Variants in FBXO16 observed in about 807,000 individuals in gnomAD.
FBXO16 encodes F-box only protein 16.
FBXO16 carries 31 observed loss-of-function variants against 41.0 expected under a neutral mutation model. The observed-to-expected ratio is 0.76, with a 90% CI of 0.57 to 1.02. The LOEUF (loss-of-function observed/expected upper bound fraction) is 1.02, where lower values mean the gene tolerates loss of function less well. FBXO16 is among the 50% of genes least tolerant of loss of function. The pLI, the probability that FBXO16 is intolerant of heterozygous loss-of-function variation, is 0.00. For missense variants in FBXO16, 361 were observed against 346.2 expected (o/e 1.04, Z -0.34); for synonymous variants, 133 against 117.8 (o/e 1.13, Z -0.84).
chr8:28,458,261 G>T (rs1803068290), intron 4 of FBXO16, among the ~76,000 whole-genome samples: 1 of 152,098 alleles, frequency 6.6e-6, no homozygotes, highest in Non-Finnish European at 1.5e-5. Context: ...TTTGTTTTAT[G>T]TGCAGAAGAT....
chr8:28,459,031 T>G (rs891807992), intron 4 of FBXO16, among the ~76,000 whole-genome samples: 2 of 152,204 alleles, frequency 1.3e-5, no homozygotes, highest in South Asian at 2.1e-4. Context: ...GAGAAGAAAT[T>G]ATGACTTATA....
intron 4 of FBXO16, among the ~76,000 whole-genome samples, chr8:28,462,114 A>C (rs9644051): frequency 0.32 from 48,464 of 150,738 alleles, 8,066 homozygotes; most frequent in East Asian, 0.52. Context: ...TAATTTTAAA[A>C]TGTTTTGTAA....
chr8:28,450,128 C>A (rs545026950), intron 6 of FBXO16, among the ~76,000 whole-genome samples: 1 of 151,888 alleles, frequency 6.6e-6, no homozygotes, highest in South Asian at 2.1e-4. Context: ...ATATAGAGAC[C>A]AATAGAATAG....
At chr8:28,451,754 A>G (rs1250835545) in intron 6 of FBXO16, among the ~76,000 whole-genome samples, 1 of 151,984 alleles carries the variant, frequency 6.6e-6, no homozygotes, top group Non-Finnish European at 1.5e-5. Context: ...AGGCCGAGGC[A>G]TGTGGATCAC....
intron 2 of FBXO16, among the ~76,000 whole-genome samples, chr8:28,474,994 G>C (rs570064906): frequency 6.6e-6 from 1 of 152,212 alleles, no homozygotes; most frequent in Non-Finnish European, 1.5e-5. Context: ...GTTATTAAGA[G>C]AGGAAGAGAG....
intron 1 of FBXO16, among the ~76,000 whole-genome samples, chr8:28,485,226 A>G: frequency 6.6e-6 from 1 of 152,086 alleles, no homozygotes; most frequent in East Asian, 1.9e-4. Flanking sequence ...AGGCTGCCGT[A>G]CAGTGGTGCA....
chr8:28,452,845 A>T (rs1321743107), intron 5 of FBXO16, among the ~76,000 whole-genome samples: 1 of 152,020 alleles, frequency 6.6e-6, no homozygotes, highest in Non-Finnish European at 1.5e-5. Context: ...AAAACCACAC[A>T]CTATAATAAT....
At chr8:28,485,782 C>A (rs1803591967) in intron 1 of FBXO16, among the ~76,000 whole-genome samples, 2 of 152,166 alleles carry the variant, frequency 1.3e-5, no homozygotes, top group African/African-American at 4.8e-5. Flanking sequence ...TTTTAACTGG[C>A]AGCTAATGAT....
chr8:28,467,386 A>G (rs1803261699), intron 3 of FBXO16, among the ~76,000 whole-genome samples: 1 of 152,192 alleles, frequency 6.6e-6, no homozygotes, highest in Admixed American at 6.5e-5. Context: ...TTTACTCATC[A>G]GAAATATGTC....
intron 4 of FBXO16, among the ~76,000 whole-genome samples, chr8:28,458,166 A>G (rs1246657803): frequency 6.6e-6 from 1 of 152,214 alleles, no homozygotes; most frequent in Non-Finnish European, 1.5e-5. Flanking sequence ...AACACTCTGT[A>G]ATGGCCCTTG....
chr8:28,456,540 C>T lies in FBXO16; in HGVS notation c.507+226G>A, dbSNP rs145714714. On this transcript the variant is annotated intron_variant, in intron 5 of 8. Coordinates refer to ENST00000380254, the MANE Select transcript of FBXO16 (RefSeq NM_172366.4). ...GAGAAAGAAGTTCCATGGTCCTAAC[C>T]GCCGGGATGCAACTGTGGTTTGGGA... 4.7e-3 allele frequency: 2,197 copies of T among 470,058 alleles called. 11 individuals are homozygous for T. The highest frequency in any genetic ancestry group is 6.3e-3 in the Non-Finnish European group (1,650 of 263,222). 29.1% of individuals were successfully genotyped at this position (470,058 alleles called of 1,614,324 possible). A position where few individuals can be genotyped will look rare whatever the true frequency, so the allele number is the denominator to read the frequency against.
intron 6 of FBXO16, among the ~76,000 whole-genome samples, chr8:28,450,852 G>T (rs1405223834): frequency 4.6e-5 from 7 of 152,138 alleles, no homozygotes; most frequent in African/African-American, 1.7e-4. Context: ...CGAAGTGAGA[G>T]GATCACTTGA....
At chr8:28,443,584 A>G (rs1346704529) in intron 7 of FBXO16, among the ~76,000 whole-genome samples, 6 of 152,190 alleles carry the variant, frequency 3.9e-5, no homozygotes, top group Non-Finnish European at 5.9e-5. Flanking sequence ...TGATGGGGGA[A>G]CTTTCTGTCA....
intron 7 of FBXO16, among the ~76,000 whole-genome samples, chr8:28,437,715 T>C (rs1802707443): frequency 2.0e-5 from 3 of 150,468 alleles, no homozygotes; most frequent in Admixed American, 2.0e-4. Context: ...TCTACCAAAA[T>C]TTGAAAAATT....
At chr8:28,455,464 T>A (rs1384233417) in intron 5 of FBXO16, among the ~76,000 whole-genome samples, 1 of 152,200 alleles carries the variant, frequency 6.6e-6, no homozygotes, top group East Asian at 1.9e-4. Context: ...CTCAAACTCC[T>A]GGCCTCAAGC....
intron 7 of FBXO16, 70 bp downstream of exon 7, chr8:28,447,101 C>G (rs1254194922): frequency 7.2e-7 from 1 of 1,395,094 alleles, no homozygotes; most frequent in Non-Finnish European, 9.9e-7. Flanking sequence ...TTCAATTTTG[C>G]AAATAGGATT....
intron 3 of FBXO16, among the ~76,000 whole-genome samples, chr8:28,468,336 A>G (rs893591750): frequency 1.3e-5 from 2 of 152,098 alleles, no homozygotes; most frequent in Non-Finnish European, 2.9e-5. Context: ...TCTTGCTGCC[A>G]TTTCAGGAAG....
At chr8:28,487,690 C>T (rs975273340) in intron 1 of FBXO16, among the ~76,000 whole-genome samples, 4 of 152,016 alleles carry the variant, frequency 2.6e-5, no homozygotes, top group African/African-American at 9.7e-5. Context: ...CTGCTGCGCC[C>T]AGCTACAGAG....
rs866471856 is a variant in FBXO16, at chr8:28,476,519, A to G, written c.100-2712T>C. 4.6e-5 allele frequency among the ~76,000 whole-genome samples: 7 copies of G among 152,344 alleles called. No homozygotes were observed. The South Asian group carries it at 1.4e-3, about 32-fold the overall frequency. On this transcript the variant is annotated intron_variant, in intron 2 of 8. Transcript: ENST00000380254. ...TCAGAGATTTGCAATCAGGTTCTTC[A>G]TTTTAAAGAGCTGGAAAACAAAGTA... is the stretch of plus-strand genomic sequence containing the variant.
Sources: allele counts gnomAD v4.1 joint callset (sites outside exome capture counted in the v4.1 genomes callset), GRCh38; gene constraint gnomAD v4.1.1; transcripts MANE v1.5; gene names NCBI Gene and HGNC (gene_info 2026-07-23, HGNC 2026-07-21).